The following RRP7A variants were observed in gnomAD, a reference collection of about 807,000 sequenced individuals.
RRP7A encodes ribosomal RNA-processing protein 7 homolog A.
Under a neutral mutation model 38.4 loss-of-function variants are expected in RRP7A, and 27 were observed. The observed-to-expected ratio is 0.70, with a 90% CI of 0.52 to 0.97. The LOEUF (loss-of-function observed/expected upper bound fraction) is 0.97. Ranked by LOEUF, RRP7A falls within the 50% of genes least tolerant of loss-of-function variation. RRP7A has a pLI of 0.00. For synonymous variants in RRP7A, 124 were observed against 150.3 expected (o/e 0.83, Z 1.28); for missense variants, 327 against 375.4 (o/e 0.87, Z 1.07).
chr22:42,518,242 A>C, intron 1 of RRP7A, 95 bp from the exon 2 acceptor site: 1 of 1,037,490 alleles, frequency 9.6e-7, no homozygotes. Flanking sequence ...ATCCCTGTCT[A>C]GTCCTATCTG....
chr22:42,509,482 G>A lies in RRP7A; in HGVS notation c.*3428C>T, dbSNP rs559018288. The stretch of plus-strand genomic sequence containing the variant: ...CGAGTAGCTGGGACTACAGGCGCCC[G>A]CCACCACGCCTGGCTTATTTTTGTA... On this transcript the variant is annotated 3_prime_UTR_variant, in exon 7 of 7. Coordinates refer to ENST00000323013, the MANE Select transcript of RRP7A (RefSeq NM_015703.5). Among the ~76,000 whole-genome samples the A allele has an allele frequency of 8.0e-5, 12 of 149,940 alleles. No homozygotes were observed. Among genetic ancestry groups the A allele is most frequent in the African/African-American group, 1.7e-4 (7 of 41,080 alleles).
Position 42,511,888 on chromosome 22 carries a change from C to G in RRP7A, c.*1022G>C. ...GTCCCTGCCATGCAACTTCACAACT[C>G]AGCTGGCCTAGACCCCTGGGAGGCC... On this transcript the variant is annotated 3_prime_UTR_variant, in exon 7 of 7. Transcript: ENST00000323013. The G allele has an allele frequency of 1.7e-6, 1 of 587,152 alleles. No homozygotes were observed. The highest frequency in any genetic ancestry group is 3.0e-5 in the Admixed American group (1 of 33,044). 36.4% of individuals were successfully genotyped at this position (587,152 alleles called of 1,614,324 possible). A position where few individuals can be genotyped will look rare whatever the true frequency, so the allele number is the denominator to read the frequency against.
In RRP7A at chr22:42,513,995, C is replaced by T. The variant is rs369818626; in HGVS notation, c.757+111G>A. The T allele has an allele frequency of 5.5e-5, 51 of 926,462 alleles. No individual in the cohort carries two copies. In the South Asian group the frequency reaches 5.6e-4, roughly 10 times the overall value. The allele number at this position is 926,462 out of a possible 1,614,324, so 57.4% of individuals were successfully genotyped here. Reference sequence around the variant, plus strand: ...CGAGCCCCGTGCTTAGGGACGCCCTCCCTCCTCGACCACCAAGTCCAGCGC... The same window carrying T: ...CGAGCCCCGTGCTTAGGGACGCCCTTCCTCCTCGACCACCAAGTCCAGCGC... On this transcript the variant is annotated intron_variant, in intron 6 of 6. Coordinates refer to ENST00000323013, the MANE Select transcript of RRP7A (RefSeq NM_015703.5).
In RRP7A at chr22:42,509,005, T is replaced by C. The variant is rs1420310371; in HGVS notation, c.*3905A>G. Reference sequence around the variant, plus strand: ...AGTGCCTGTGCCTTGTGACGAGAATTCACCATGTTTTTGTCTCTGCAGGCA... The same window carrying C: ...AGTGCCTGTGCCTTGTGACGAGAATCCACCATGTTTTTGTCTCTGCAGGCA... On this transcript the variant is annotated 3_prime_UTR_variant, in exon 7 of 7. Coordinates refer to ENST00000323013, the MANE Select transcript of RRP7A (RefSeq NM_015703.5). The C allele has an allele frequency of 3.7e-6, 6 of 1,612,638 alleles. No homozygotes were observed. Among genetic ancestry groups the C allele is most frequent in the Non-Finnish European group, 5.1e-6 (6 of 1,178,850 alleles).
rs1293003606 is a variant in RRP7A, at chr22:42,511,276, A to C, written c.*1634T>G. The C allele has an allele frequency of 2.0e-5, 3 of 152,106 alleles. No individual in the cohort carries two copies. The highest frequency in any genetic ancestry group is 4.4e-5 in the Non-Finnish European group (3 of 68,132). 9.4% of individuals were successfully genotyped at this position (152,106 alleles called of 1,614,324 possible). Reference sequence around the variant, plus strand: ...ACTGTAACCTCCACCTCCCGGGTTCAAGCGACTCTCGTGCCTCAGCCTCCT... The same window carrying C: ...ACTGTAACCTCCACCTCCCGGGTTCCAGCGACTCTCGTGCCTCAGCCTCCT... On this transcript the variant is annotated 3_prime_UTR_variant, in exon 7 of 7. Coordinates refer to ENST00000323013, the MANE Select transcript of RRP7A (RefSeq NM_015703.5).
chr22:42,518,575 T>C (rs2146625283), intron 1 of RRP7A: 1 of 458,810 alleles, frequency 2.2e-6, no homozygotes, highest in East Asian at 7.1e-5. Context: ...CATGCTGGCC[T>C]CTCTACCTGG....
chr22:42,517,986 C>A lies in RRP7A; in HGVS notation c.216+19G>T, dbSNP rs1336250504. 6.2e-7 allele frequency: 1 copy of A among 1,609,808 alleles called. No individual in the cohort carries two copies. The highest frequency in any genetic ancestry group is 8.5e-7 in the Non-Finnish European group (1 of 1,177,852). On this transcript the variant is annotated intron_variant, in intron 2 of 6. Transcript: ENST00000323013. The stretch of plus-strand genomic sequence containing the variant: ...CACCTTGAGCCCACAGGTCTCCTCC[C>A]AGACAGACACTAGCTCACCTCTGTG...
chr22:42,515,847 A>T (rs538094088), intron 3 of RRP7A, among the ~76,000 whole-genome samples, 164 bp downstream of exon 3: 2 of 152,348 alleles, frequency 1.3e-5, no homozygotes, highest in African/African-American at 4.8e-5. Context: ...AATCTGGCAA[A>T]GAATCGCAGG....
intron 3 of RRP7A, among the ~76,000 whole-genome samples, chr22:42,515,657 C>T (rs966520711): frequency 1.3e-5 from 2 of 152,152 alleles, no homozygotes; most frequent in Non-Finnish European, 2.9e-5. Context: ...TCCAGGGCCA[C>T]TGGGAAAGCT....
At chr22:42,513,102 T>C in intron 6 of RRP7A, 107 bp from the exon 7 acceptor site, 1 of 909,850 alleles carries the variant, frequency 1.1e-6, no homozygotes, top group South Asian at 1.4e-5. Flanking sequence ...TGGGGCTATG[T>C]CTCCCCCACC....
At chr22:42,515,503 G>GGGATACAGAGGCTTC (rs1920927272) in intron 3 of RRP7A, among the ~76,000 whole-genome samples, 1 of 152,256 alleles carries the variant, frequency 6.6e-6, no homozygotes, top group Non-Finnish European at 1.5e-5. Flanking sequence ...CCAGGAAGAG[G>GGGATACAGAGGCTTC]GGATACAGAG....
In RRP7A at chr22:42,512,607, G is replaced by C. The variant is rs1435321221; in HGVS notation, c.*303C>G. On this transcript the variant is annotated 3_prime_UTR_variant, in exon 7 of 7. Coordinates refer to ENST00000323013, the MANE Select transcript of RRP7A (RefSeq NM_015703.5). ...TGCCAGCAAGGGCTTTTGCATTGAG[G>C]GAAAAGGAAGCACAGAACGGATTCA... is the stretch of plus-strand genomic sequence containing the variant. The C allele has an allele frequency of 1.8e-6, 1 of 556,026 alleles. No individual in the cohort carries two copies. The highest frequency in any genetic ancestry group is 3.2e-6 in the Non-Finnish European group (1 of 310,126). 34.4% of individuals were successfully genotyped at this position (556,026 alleles called of 1,614,324 possible).
At position 42,511,884 on chromosome 22, in the gene RRP7A, A is replaced by G. The variant is rs1932475230; in HGVS notation, c.*1026T>C. The G allele has an allele frequency of 1.6e-5, 9 of 579,808 alleles. No homozygotes were observed. The South Asian group carries it at 1.8e-4, about 11-fold the overall frequency. The allele number at this position is 579,808 out of a possible 1,614,324, so 35.9% of individuals were successfully genotyped here. A position where few individuals can be genotyped will look rare whatever the true frequency, so the allele number is the denominator to read the frequency against. The stretch of plus-strand genomic sequence containing the variant: ...CCCTGTCCCTGCCATGCAACTTCAC[A>G]ACTCAGCTGGCCTAGACCCCTGGGA... On this transcript the variant is annotated 3_prime_UTR_variant, in exon 7 of 7. Coordinates refer to ENST00000323013, the MANE Select transcript of RRP7A (RefSeq NM_015703.5).
Position 42,512,916 on chromosome 22 carries a change from C to G in RRP7A, c.837G>C (p.Pro279=), listed in dbSNP as rs146115534. ...ELLRAQRKFR[P]Y ...TCACTGCGGCTCTCACAGCTCAGTA[C>G]GGTCGGAATTTGCGCTGGGCCCGCA... The change falls in exon 7 of 7, where the codon CCG becomes CCC. Residue 279 remains proline, a synonymous_variant. Coordinates refer to ENST00000323013, the MANE Select transcript of RRP7A (RefSeq NM_015703.5). 1.1e-3 allele frequency: 1,698 copies of G among 1,611,564 alleles called. 17 individuals carry two copies. The highest frequency in any genetic ancestry group is 9.4e-3 in the South Asian group (854 of 90,462).
Position 42,512,112 on chromosome 22 carries a change from C to G in RRP7A, c.*798G>C, listed in dbSNP as rs1196626730. 1 of 1,474,440 alleles carries G rather than the reference C, an allele frequency of 6.8e-7. No individual in the cohort carries two copies. Among genetic ancestry groups the G allele is most frequent in the Non-Finnish European group, 9.5e-7 (1 of 1,051,632 alleles). 91.3% of individuals were successfully genotyped at this position (1,474,440 alleles called of 1,614,324 possible). On this transcript the variant is annotated 3_prime_UTR_variant, in exon 7 of 7. Coordinates refer to ENST00000323013, the MANE Select transcript of RRP7A (RefSeq NM_015703.5). ...CATCTCACTACCCACCCCCTCCCCT[C>G]TCCAGCGGTTCCAGTTTGTGGAAGT... is the stretch of plus-strand genomic sequence containing the variant.
rs572346764 is a variant in RRP7A, at chr22:42,512,604, G to C, written c.*306C>G. On this transcript the variant is annotated 3_prime_UTR_variant, in exon 7 of 7. Transcript: ENST00000323013. ...CGTTGCCAGCAAGGGCTTTTGCATT[G>C]AGGGAAAAGGAAGCACAGAACGGAT... is the stretch of plus-strand genomic sequence containing the variant. The C allele has an allele frequency of 9.0e-6, 5 of 554,476 alleles. No homozygotes were observed. The East Asian group carries it at 1.2e-4, about 14-fold the overall frequency. 34.3% of individuals were successfully genotyped at this position (554,476 alleles called of 1,614,324 possible).
intron 2 of RRP7A, among the ~76,000 whole-genome samples, chr22:42,517,681 G>C (rs558479815): frequency 3.3e-5 from 5 of 152,194 alleles, no homozygotes; most frequent in African/African-American, 1.2e-4. Context: ...CATCATGCCT[G>C]GCTCATTTTT....
Position 42,516,090 on chromosome 22 carries a change from A to G in RRP7A, c.263T>C (p.Val88Ala). The G allele has an allele frequency of 6.2e-7, 1 of 1,613,728 alleles. No homozygotes were observed. Among genetic ancestry groups the G allele is most frequent in the Non-Finnish European group, 8.5e-7 (1 of 1,179,808 alleles). ...LLSTCGLVQSVELQEKPDLAE... is the reference protein window; with the variant it reads ...LLSTCGLVQSAELQEKPDLAE... ...CAGGTCCGGCTTCTCCTGCAACTCT[A>G]CAGACTGGACGAGGCCACAGGTGGA... Residue 88 changes from valine to alanine, a missense_variant, in exon 3 of 7, where the codon GTA becomes GCA. Val to Ala is a moderately conservative substitution (Grantham distance 64). Transcript: ENST00000323013.
chr22:42,519,764 C>T lies in RRP7A; in HGVS notation c.23G>A (p.Cys8Tyr), dbSNP rs776251235. 8 of 1,451,470 alleles carry T rather than the reference C, an allele frequency of 5.5e-6. No homozygotes were observed. The highest frequency in any genetic ancestry group is 1.5e-5 in the African/African-American group (1 of 68,050). The allele number at this position is 1,451,470 out of a possible 1,614,324, so 89.9% of individuals were successfully genotyped here. A position where few individuals can be genotyped will look rare whatever the true frequency, so the allele number is the denominator to read the frequency against. MVARRRK[C>Y]AARDPEDRIP... The stretch of plus-strand genomic sequence containing the variant: ...ACGGTCCTCCGGGTCCCGCGCGGCG[C>T]ACTTCCTCCTGCGCGCCACCATCTT... Residue 8 changes from cysteine (C) to tyrosine (Y), a missense_variant, in exon 1 of 7, where the codon TGC becomes TAC. Transcript: ENST00000323013.
Sources: allele counts gnomAD v4.1 joint callset (sites outside exome capture counted in the v4.1 genomes callset), GRCh38; gene constraint gnomAD v4.1.1; transcripts MANE v1.5; gene names NCBI Gene and HGNC (gene_info 2026-07-23, HGNC 2026-07-21).